CEP350: variants seen among roughly 807,000 people sequenced by gnomAD.
CEP350 encodes the protein centrosomal protein 350.
In CEP350, 126 loss-of-function variants were observed where a neutral mutation model predicts 331.8. That is an observed-to-expected ratio of 0.38 (90% CI 0.33 to 0.44). CEP350 has a LOEUF of 0.44. Among genes scored for constraint, CEP350 ranks in the 20% least tolerant of loss-of-function variants. CEP350 has a pLI of 1.00. For synonymous variants in CEP350, 1,200 were observed against 1,259.5 expected (o/e 0.95, Z 1.00); for missense variants, 3,406 against 3,634.6 (o/e 0.94, Z 1.62).
chr1:180,015,696 C>G (rs1488352457), intron 10 of CEP350, among the ~76,000 whole-genome samples, 153 bp from the exon 11 acceptor site: 1 of 151,834 alleles, frequency 6.6e-6, no homozygotes, highest in African/African-American at 2.4e-5. Context: ...GTTTTTAAGA[C>G]AAAATAAATT....
At chr1:179,962,223 A>G (rs994388790) in intron 1 of CEP350, among the ~76,000 whole-genome samples, 4 of 152,068 alleles carry the variant, frequency 2.6e-5, no homozygotes, top group African/African-American at 9.7e-5. Context: ...GACCCCACTT[A>G]CAAGTGAGAG....
At chr1:180,084,220 T>C in intron 31 of CEP350, 42 bp downstream of exon 31, 2 of 1,495,496 alleles carry the variant, frequency 1.3e-6, no homozygotes, top group Non-Finnish European at 1.8e-6. Flanking sequence ...AAGGCTAATG[T>C]GTATGTGACG....
chr1:180,061,582 T>C (rs1164277011), intron 25 of CEP350, among the ~76,000 whole-genome samples: 1 of 152,230 alleles, frequency 6.6e-6, no homozygotes, highest in Non-Finnish European at 1.5e-5. Flanking sequence ...TATTATCTTC[T>C]GCCCACATAG....
At chr1:180,011,730 C>T (rs1181131169) in intron 8 of CEP350, among the ~76,000 whole-genome samples, 199 bp from the exon 9 acceptor site, 1 of 152,164 alleles carries the variant, frequency 6.6e-6, no homozygotes, top group Non-Finnish European at 1.5e-5. Context: ...ACATTTATTT[C>T]AGATGTGTGG....
chr1:180,063,434 C>A (rs1168332701), intron 26 of CEP350, among the ~76,000 whole-genome samples: 1 of 151,758 alleles, frequency 6.6e-6, no homozygotes, highest in Non-Finnish European at 1.5e-5. Flanking sequence ...CTCAAGCAAT[C>A]CATCTGCCTC....
chr1:179,965,550 A>G (rs1486361359), intron 1 of CEP350, among the ~76,000 whole-genome samples: 1 of 151,774 alleles, frequency 6.6e-6, no homozygotes, highest in Non-Finnish European at 1.5e-5. Context: ...GGATTTCAGA[A>G]TAGCCAGCTA....
In CEP350 at chr1:180,053,114, A is replaced by G. The variant is rs1328182382; in HGVS notation, c.4937A>G (p.Asp1646Gly). The G allele has an allele frequency of 3.1e-6, 5 of 1,605,570 alleles. No individual in the cohort carries two copies. The African/African-American group carries it at 6.7e-5, about 22-fold the overall frequency. ...FNMEKRRGHH[D>G]DSDEEASPEK... ...ATGGAAAAGAGAAGAGGTCATCATG[A>G]TGACTCTGATGAAGAAGCTTCTCCA... Residue 1646 changes from aspartate (D) to glycine (G), a missense_variant, in exon 23 of 38, where the codon GAT (aspartate) becomes GGT (glycine). Transcript: ENST00000367607.
chr1:180,091,642 G>A (rs528507261), intron 33 of CEP350, among the ~76,000 whole-genome samples: 19 of 152,126 alleles, frequency 1.2e-4, no homozygotes, highest in Admixed American at 1.1e-3. Flanking sequence ...ACCAGCCTGG[G>A]CAATATGGTG....
intron 27 of CEP350, among the ~76,000 whole-genome samples, chr1:180,066,737 T>G (rs766300842): frequency 2.6e-5 from 4 of 152,208 alleles, no homozygotes; most frequent in Non-Finnish European, 5.9e-5. Flanking sequence ...AAGTAGGAAT[T>G]TATTAAAATT....
chr1:180,055,276 C>G (rs961245256), intron 25 of CEP350, among the ~76,000 whole-genome samples: 2 of 152,090 alleles, frequency 1.3e-5, no homozygotes, highest in Non-Finnish European at 2.9e-5. Context: ...GACTTAATTT[C>G]CTCATCTGTA....
intron 37 of CEP350, among the ~76,000 whole-genome samples, chr1:180,110,753 A>C (rs1320072847): frequency 1.3e-5 from 2 of 152,182 alleles, no homozygotes; most frequent in African/African-American, 4.8e-5. Context: ...GTAATCTTTA[A>C]TATATATGAA....
At chr1:179,973,200 T>C (rs544608695) in intron 1 of CEP350, among the ~76,000 whole-genome samples, 1 of 152,360 alleles carries the variant, frequency 6.6e-6, no homozygotes, top group East Asian at 1.9e-4. Context: ...AAGGCAAATA[T>C]GTTTTCTAAG....
intron 29 of CEP350, among the ~76,000 whole-genome samples, chr1:180,079,960 A>G (rs1440354507): frequency 1.3e-5 from 2 of 152,220 alleles, no homozygotes; most frequent in Admixed American, 6.5e-5. Context: ...CCTCGCAAGA[A>G]TCCTATAAAA....
At chr1:180,101,958 A>C (rs4652464) in intron 37 of CEP350, among the ~76,000 whole-genome samples, 109,500 of 151,998 alleles carry the variant, frequency 0.72, 40,521 homozygotes, top group Admixed American at 0.8. Context: ...TCCAGAAGCT[A>C]CCTGAACTCT....
chr1:179,995,418 A>G (rs1653390600), intron 5 of CEP350, among the ~76,000 whole-genome samples: 1 of 152,148 alleles, frequency 6.6e-6, no homozygotes. Flanking sequence ...CTGGCCAACC[A>G]ACATGGTGAA....
intron 21 of CEP350, among the ~76,000 whole-genome samples, chr1:180,047,432 G>A (rs892333260): frequency 2.0e-5 from 3 of 152,058 alleles, no homozygotes; most frequent in Non-Finnish European, 4.4e-5. Context: ...TGAAGTTATG[G>A]TTAAGATTGC....
At chr1:179,969,783 G>A (rs1651300395) in intron 1 of CEP350, among the ~76,000 whole-genome samples, 1 of 151,930 alleles carries the variant, frequency 6.6e-6, no homozygotes, top group East Asian at 1.9e-4. Flanking sequence ...ATGAGACCCT[G>A]TCTTCTAAAA....
intron 14 of CEP350, among the ~76,000 whole-genome samples, chr1:180,025,049 C>G (rs954497471): frequency 1.3e-5 from 2 of 151,778 alleles, no homozygotes; most frequent in Non-Finnish European, 2.9e-5. Flanking sequence ...CTCAGCCTCC[C>G]GAGTAGCTGG....
intron 8 of CEP350, among the ~76,000 whole-genome samples, chr1:180,010,529 T>C (rs1654567413): frequency 6.6e-6 from 1 of 151,976 alleles, no homozygotes. Flanking sequence ...TACAATAATT[T>C]AATTAGGCTT....
Sources: allele counts gnomAD v4.1 joint callset (sites outside exome capture counted in the v4.1 genomes callset), GRCh38; gene constraint gnomAD v4.1.1; transcripts MANE v1.5; gene names NCBI Gene and HGNC (gene_info 2026-07-23, HGNC 2026-07-21).